Variants in DMXL1 observed in about 807,000 individuals in gnomAD.
DMXL1 encodes Dmx like 1.
In DMXL1, 99 loss-of-function variants were observed where a neutral mutation model predicts 319.2. The ratio of observed to expected loss-of-function variants is 0.31; its 90% confidence interval spans 0.26 to 0.37. The LOEUF is 0.37. DMXL1 is among the 10% of genes least tolerant of loss of function. DMXL1 has a pLI of 1.00. For missense variants in DMXL1, 3,745 were observed against 3,595.6 expected (o/e 1.04, Z -1.06); for synonymous variants, 1,385 against 1,235.2 (o/e 1.12, Z -2.54).
Position 119,178,231 on chromosome 5 carries a change from A to T in DMXL1, c.7122A>T (p.Ser2374=), listed in dbSNP as rs1336779416. The stretch of plus-strand genomic sequence containing the variant: ...TTCCTAGCAAAGAACAGACACATTC[A>T]AAAACTTTACCTGGTGAGTTTAAAA... The part of the protein sequence containing the change: ...AHVPSKEQTH[S]KTLPVSSLVE... Residue 2374 remains serine (S), a synonymous_variant, in exon 28 of 44, where the codon TCA becomes TCT. Coordinates refer to ENST00000539542, the MANE Select transcript of DMXL1 (RefSeq NM_001290321.3). 6 of 1,612,922 alleles carry T rather than the reference A, an allele frequency of 3.7e-6. No individual in the cohort carries two copies. The African/African-American group carries it at 8.0e-5, about 21-fold the overall frequency.
Position 119,147,396 on chromosome 5 carries a change from T to A in DMXL1, c.2837T>A (p.Phe946Tyr), listed in dbSNP as rs1363694436. The part of the protein sequence containing the change: ...NLQSTSRLTL[F>Y]SEMVYSQELH... ...CAGAGTACCAGCAGGTTGACTCTGT[T>A]TTCAGAAATGGTTTATAGCCAAGAA... The change falls in exon 17 of 44, where the codon TTT (phenylalanine) becomes TAT (tyrosine). Residue 946 changes from phenylalanine to tyrosine, a missense_variant. Physicochemically the swap from Phe to Tyr is conservative, Grantham distance 22. This residue lies in a region of DMXL1 where 2,096 missense variants were observed against 1,985.4 expected (regional missense o/e 1.06). Coordinates refer to ENST00000539542, the MANE Select transcript of DMXL1 (RefSeq NM_001290321.3). 1.2e-6 allele frequency: 2 copies of A among 1,613,492 alleles called. No individual in the cohort carries two copies. The highest frequency in any genetic ancestry group is 1.7e-6 in the Non-Finnish European group (2 of 1,179,734).
chr5:119,192,293 G>T (rs1389164156), intron 29 of DMXL1, among the ~76,000 whole-genome samples: 3 of 152,144 alleles, frequency 2.0e-5, no homozygotes, highest in Non-Finnish European at 4.4e-5. Context: ...GTTTTACTCT[G>T]AATTGCATTC....
intron 1 of DMXL1, among the ~76,000 whole-genome samples, chr5:119,095,832 CAT>C (rs1241066672): frequency 1.3e-5 from 2 of 152,138 alleles, no homozygotes; most frequent in Non-Finnish European, 2.9e-5. Context: ...AGGAGATCAT[CAT>C]GTGATTTTTT....
chr5:119,097,900 CATGA>C, intron 1 of DMXL1, 75 bp from the exon 2 acceptor site: 1 of 1,230,980 alleles, frequency 8.1e-7, no homozygotes, highest in Non-Finnish European at 1.1e-6. Flanking sequence ...TGCCTTAAAA[CATGA>C]TAGTTAATAC....
chr5:119,174,296 G>C (rs1775349512), intron 25 of DMXL1, among the ~76,000 whole-genome samples: 2 of 152,204 alleles, frequency 1.3e-5, no homozygotes, highest in African/African-American at 2.4e-5. Context: ...AATTTGCAAG[G>C]CTTTTTGAGG....
rs1447553950 is a variant in DMXL1, at chr5:119,089,298, T to G, written c.88-8681T>G. Among the ~76,000 whole-genome samples, 48 of 52,556 alleles carry G rather than the reference T, an allele frequency of 9.1e-4. No individual in the cohort carries two copies. The East Asian group carries it at 0.032, about 35-fold the overall frequency. The allele number at this position is 52,556 out of a possible 152,430, so 34.5% of individuals were successfully genotyped here. A position where few individuals can be genotyped will look rare whatever the true frequency, so the allele number is the denominator to read the frequency against. The stretch of plus-strand genomic sequence containing the variant: ...TATACATATATATATATATATTTTT[T>G]TTTTTTTTTTTTTTTTTTTTTTTTT... On this transcript the variant is annotated intron_variant, in intron 1 of 43. Coordinates refer to ENST00000539542, the MANE Select transcript of DMXL1 (RefSeq NM_001290321.3).
rs1297302885 is a variant in DMXL1, at chr5:119,170,763, G to C, written c.5972G>C (p.Arg1991Thr). The change falls in exon 24 of 44, where the codon AGA becomes ACA. Residue 1991 changes from arginine (R) to threonine (T), a missense_variant. This residue lies in a region of DMXL1 where 1,382 missense variants were observed against 1,269.5 expected (regional missense o/e 1.09). Transcript: ENST00000539542. ...ATGAAAGAACTAAAACCTTTACAGA[G>C]AAAAACAGATAAAAAGTTGGATGAC... ...ISMKELKPLQ[R>T]KTDKKLDDIS... is the part of the protein sequence containing the mutation. 7.4e-6 allele frequency: 12 copies of C among 1,612,238 alleles called. No individual in the cohort carries two copies. Among genetic ancestry groups the C allele is most frequent in the Non-Finnish European group, 1.0e-5 (12 of 1,179,648 alleles).
chr5:119,168,773 C>T (rs1773951673), intron 23 of DMXL1, among the ~76,000 whole-genome samples: 1 of 152,054 alleles, frequency 6.6e-6, no homozygotes, highest in South Asian at 2.1e-4. Flanking sequence ...TGGCTCATCT[C>T]AAACACCTGG....
chr5:119,244,659 T>G, intron 43 of DMXL1, 83 bp downstream of exon 43: 7 of 920,170 alleles, frequency 7.6e-6, no homozygotes, highest in African/African-American at 1.7e-5. Flanking sequence ...GACATCAATC[T>G]ATTTAAATAA....
rs1033894822 is a variant in DMXL1, at chr5:119,209,701, C to T, written c.7926+2805C>T. On this transcript the variant is annotated intron_variant, in intron 34 of 43. Transcript: ENST00000539542. Reference sequence around the variant, plus strand: ...GTGTAGTCTATATTTTCATTTTAACCATTCTAGTAGGTATGTAGTAGTAGT... The same window carrying T: ...GTGTAGTCTATATTTTCATTTTAACTATTCTAGTAGGTATGTAGTAGTAGT... Among the ~76,000 whole-genome samples, 9 of 152,198 alleles carry T rather than the reference C, an allele frequency of 5.9e-5. No homozygotes were observed. The East Asian group carries it at 7.7e-4, about 13-fold the overall frequency.
In DMXL1 at chr5:119,193,969, A is replaced by G; in HGVS notation, c.7456A>G (p.Ser2486Gly). Residue 2486 changes from serine to glycine, a missense_variant and splice_region_variant, in exon 30 of 44, where the codon AGT becomes GGT. Physicochemically the swap from Ser to Gly is moderately conservative, Grantham distance 56. This residue lies in a region of DMXL1 where 1,382 missense variants were observed against 1,269.5 expected (regional missense o/e 1.09). Coordinates refer to ENST00000539542, the MANE Select transcript of DMXL1 (RefSeq NM_001290321.3). ...LQEHSNSNSY[S>G]WSLMRLAMVQ... ...GGAACATTCTAATTCAAATTCATATAGGTATGGTATATTTTATTTTAAATT... is the reference window on the plus strand; with the variant it reads ...GGAACATTCTAATTCAAATTCATATGGGTATGGTATATTTTATTTTAAATT... 1 of 1,579,656 alleles carries G rather than the reference A, an allele frequency of 6.3e-7. No homozygotes were observed. The highest frequency in any genetic ancestry group is 8.6e-7 in the Non-Finnish European group (1 of 1,158,656).
At position 119,164,635 on chromosome 5, in the gene DMXL1, TG is replaced by T; in HGVS notation, c.4834del (p.Val1612SerfsTer11). The T allele has an allele frequency of 6.2e-7, 1 of 1,613,240 alleles. No individual in the cohort carries two copies. The highest frequency in any genetic ancestry group is 8.5e-7 in the Non-Finnish European group (1 of 1,179,382). Reference sequence around the variant, plus strand: ...ACTAAGAGCTATGGGTGTGGGGTGGTGGGTCCGGAATACCCGCATCTTACGC... The same window carrying T: ...ACTAAGAGCTATGGGTGTGGGGTGGTGGTCCGGAATACCCGCATCTTACGC... ...SELRAMGVGWWVRNTRILRKC... is the reference protein window; with the variant it reads ...SELRAMGVGWXVRNTRILRKC... On this transcript the variant is annotated frameshift_variant, in exon 20 of 44. Transcript: ENST00000539542. LOFTEE classifies it high-confidence loss of function.
At chr5:119,120,860 C>T in intron 8 of DMXL1, 111 bp from the exon 9 acceptor site, 3 of 848,660 alleles carry the variant, frequency 3.5e-6, no homozygotes, top group Non-Finnish European at 5.0e-6. Flanking sequence ...ACATATAAAA[C>T]ATGTAAAATG....
At chr5:119,077,838 CGTGTGTGTGTGTGTATATATACGT>C (rs1282052097) in intron 1 of DMXL1, among the ~76,000 whole-genome samples, 4 of 108,712 alleles carry the variant, frequency 3.7e-5, no homozygotes, top group East Asian at 2.7e-4. Context: ...AAAATATATA[CGTGTGTGTGTGTGTATATATACGT>C]GTGTGTGTGT....
intron 40 of DMXL1, among the ~76,000 whole-genome samples, chr5:119,238,296 A>G (rs1177193310): frequency 1.3e-5 from 2 of 152,090 alleles, no homozygotes; most frequent in Non-Finnish European, 2.9e-5. Context: ...GCTCAAAGGA[A>G]TAATCTTTGG....
At chr5:119,199,520 G>C (rs535667797) in intron 32 of DMXL1, among the ~76,000 whole-genome samples, 1 of 152,092 alleles carries the variant, frequency 6.6e-6, no homozygotes. Flanking sequence ...ATGCTGCAGC[G>C]AACACTTGTG....
At chr5:119,212,950 G>A (rs1279133627) in intron 34 of DMXL1, among the ~76,000 whole-genome samples, 1 of 151,882 alleles carries the variant, frequency 6.6e-6, no homozygotes, top group East Asian at 1.9e-4. Context: ...CTTCCTACTT[G>A]CCTTGAAAAT....
intron 4 of DMXL1, among the ~76,000 whole-genome samples, chr5:119,105,766 G>A (rs774727933): frequency 5.9e-4 from 89 of 151,960 alleles, no homozygotes; most frequent in Non-Finnish European, 1.0e-3. Context: ...GCATAGTGGC[G>A]CATGCCTGTA....
At position 119,133,820 on chromosome 5, in the gene DMXL1, A is replaced by G. The variant is rs1242769347; in HGVS notation, c.1896A>G (p.Arg632=). The G allele has an allele frequency of 1.9e-6, 3 of 1,614,100 alleles. No individual in the cohort carries two copies. In the Admixed American group the frequency reaches 5.0e-5, roughly 27 times the overall value. ...TTCTCAGTATTTCCCACAAATCCAG[A>G]TATTGTGGTCATCGTTTTCATCTTA... ...STVLSISHKS[R]YCGHRFHLND... is the part of the protein sequence containing the mutation. The change falls in exon 12 of 44, where the codon AGA becomes AGG. Residue 632 remains arginine, a synonymous_variant. Coordinates refer to ENST00000539542, the MANE Select transcript of DMXL1 (RefSeq NM_001290321.3).
Sources: allele counts gnomAD v4.1 joint callset (sites outside exome capture counted in the v4.1 genomes callset), GRCh38; gene constraint gnomAD v4.1.1; regional missense constraint gnomAD v4.1.1; transcripts MANE v1.5; gene names NCBI Gene and HGNC (gene_info 2026-07-23, HGNC 2026-07-21).